ATP8A1: variants seen among roughly 807,000 people sequenced by gnomAD.
The protein encoded by ATP8A1 is ATPase phospholipid transporting 8A1.
Under a neutral mutation model 177.7 loss-of-function variants are expected in ATP8A1, and 90 were observed. That is an observed-to-expected ratio of 0.51 (90% CI 0.43 to 0.60). The LOEUF (loss-of-function observed/expected upper bound fraction) is 0.60, where lower values mean the gene tolerates loss of function less well. Among genes scored for constraint, ATP8A1 ranks in the 20% least tolerant of loss-of-function variants. ATP8A1 has a pLI of 0.00. For synonymous variants in ATP8A1, 493 were observed against 485.9 expected (o/e 1.01, Z -0.19); for missense variants, 1,072 against 1,392.8 (o/e 0.77, Z 3.67).
chr4:42,613,398 A>G (rs1220610368), intron 5 of ATP8A1, among the ~76,000 whole-genome samples: 1 of 152,010 alleles, frequency 6.6e-6, no homozygotes, highest in African/African-American at 2.4e-5. Context: ...AAATCCATGG[A>G]TGCTCAAGTC....
At chr4:42,461,984 A>C (rs1719215017) in intron 27 of ATP8A1, among the ~76,000 whole-genome samples, 1 of 152,178 alleles carries the variant, frequency 6.6e-6, no homozygotes, top group Non-Finnish European at 1.5e-5. Flanking sequence ...AGATCTGTGG[A>C]ACTTTGAACT....
At chr4:42,543,249 C>G (rs2153206734) in intron 20 of ATP8A1, among the ~76,000 whole-genome samples, 1 of 152,144 alleles carries the variant, frequency 6.6e-6, no homozygotes, top group African/African-American at 2.4e-5. Flanking sequence ...GTTGTTGACT[C>G]TATTCAAAAT....
chr4:42,455,039 T>A (rs899565742), intron 29 of ATP8A1, among the ~76,000 whole-genome samples: 3 of 152,160 alleles, frequency 2.0e-5, no homozygotes, highest in East Asian at 3.9e-4. Context: ...AGGCCAGCTT[T>A]ATTGCTGCCT....
At chr4:42,492,163 TA>T (rs1470373817) in intron 24 of ATP8A1, among the ~76,000 whole-genome samples, 5 of 152,206 alleles carry the variant, frequency 3.3e-5, no homozygotes, top group African/African-American at 1.2e-4. Flanking sequence ...TATACTTATC[TA>T]AAGTATACTT....
At chr4:42,497,855 T>A (rs1406172365) in intron 24 of ATP8A1, among the ~76,000 whole-genome samples, 1 of 152,268 alleles carries the variant, frequency 6.6e-6, no homozygotes, top group Admixed American at 6.5e-5. Flanking sequence ...TGGCTTTCTT[T>A]ACTGAGAGCT....
chr4:42,548,270 C>T (rs1729126779), intron 19 of ATP8A1, among the ~76,000 whole-genome samples: 1 of 152,142 alleles, frequency 6.6e-6, no homozygotes, highest in Non-Finnish European at 1.5e-5. Flanking sequence ...GCTTCCTGAT[C>T]CCGACTCATC....
Position 42,410,747 on chromosome 4 carries a change from C to A in ATP8A1, c.*2169G>T, listed in dbSNP as rs966649413. On this transcript the variant is annotated 3_prime_UTR_variant, in exon 37 of 37. Coordinates refer to ENST00000381668, the MANE Select transcript of ATP8A1 (RefSeq NM_006095.2). ...TGTTTAAGAGCTCCACAGAAACAAT[C>A]CACGTTTCAAGATTAAAATAAAACT... The A allele has an allele frequency of 2.0e-5, 3 of 152,174 alleles. No individual in the cohort carries two copies. Among genetic ancestry groups the A allele is most frequent in the Non-Finnish European group, 4.4e-5 (3 of 68,016 alleles). The allele number at this position is 152,174 out of a possible 1,614,324, so 9.4% of individuals were successfully genotyped here. A position where few individuals can be genotyped will look rare whatever the true frequency, so the allele number is the denominator to read the frequency against.
intron 1 of ATP8A1, among the ~76,000 whole-genome samples, chr4:42,655,898 G>C (rs937700346): frequency 1.3e-5 from 2 of 152,226 alleles, no homozygotes; most frequent in Non-Finnish European, 2.9e-5. Context: ...ATGATGGCAA[G>C]ATAGATTTCT....
At chr4:42,462,961 T>C (rs1719335501) in intron 27 of ATP8A1, among the ~76,000 whole-genome samples, 1 of 152,216 alleles carries the variant, frequency 6.6e-6, no homozygotes, top group Admixed American at 6.5e-5. Flanking sequence ...TCCCTTTATT[T>C]TGGCCAGTTT....
At chr4:42,635,228 G>A (rs146441882) in intron 1 of ATP8A1, among the ~76,000 whole-genome samples, 3 of 152,124 alleles carry the variant, frequency 2.0e-5, no homozygotes, top group East Asian at 1.9e-4. Flanking sequence ...TGGTAGGTAG[G>A]AGGGAGACAA....
At chr4:42,569,364 C>T (rs1255422386) in intron 14 of ATP8A1, among the ~76,000 whole-genome samples, 159 bp from the exon 15 acceptor site, 4 of 152,104 alleles carry the variant, frequency 2.6e-5, no homozygotes, top group Non-Finnish European at 5.9e-5. Context: ...GTTAGTACAG[C>T]AAATAGAACA....
intron 1 of ATP8A1, among the ~76,000 whole-genome samples, chr4:42,639,960 A>G (rs747135336): frequency 1.3e-5 from 2 of 152,244 alleles, no homozygotes; most frequent in Non-Finnish European, 2.9e-5. Context: ...CATGGATTCA[A>G]CATAGTACTT....
chr4:42,588,137 G>C (rs1342159763), intron 8 of ATP8A1, 123 bp downstream of exon 8: 1 of 685,594 alleles, frequency 1.5e-6, no homozygotes, highest in African/African-American at 1.8e-5. Flanking sequence ...TCTTTGTTGT[G>C]GTTCCATGGG....
intron 1 of ATP8A1, among the ~76,000 whole-genome samples, chr4:42,636,154 A>ACGCGCGCGTGCGCGCG (rs765930469): frequency 0.17 from 8,034 of 47,552 alleles, 391 homozygotes; most frequent in African/African-American, 0.2. Flanking sequence ...ACACACACAC[A>ACGCGCGCGTGCGCGCG]CACGCACACA....
intron 24 of ATP8A1, among the ~76,000 whole-genome samples, chr4:42,499,298 G>A (rs1723584194): frequency 6.6e-6 from 1 of 152,154 alleles, no homozygotes; most frequent in Non-Finnish European, 1.5e-5. Context: ...AATGTATAGT[G>A]TATATTTTCC....
chr4:42,574,284 C>G (rs1157682826), intron 14 of ATP8A1, among the ~76,000 whole-genome samples: 1 of 152,156 alleles, frequency 6.6e-6, no homozygotes, highest in Non-Finnish European at 1.5e-5. Flanking sequence ...GCCTGATTAT[C>G]TGTCCTTACC....
At chr4:42,509,849 CAAAAAAAA>C (rs751055015) in intron 22 of ATP8A1, among the ~76,000 whole-genome samples, 1 of 78,982 alleles carries the variant, frequency 1.3e-5, no homozygotes, top group East Asian at 4.0e-4. Context: ...GAGACAGTCT[CAAAAAAAA>C]AAAAAAAAAA....
At chr4:42,640,014 AT>A (rs1311462776) in intron 1 of ATP8A1, among the ~76,000 whole-genome samples, 1 of 152,146 alleles carries the variant, frequency 6.6e-6, no homozygotes, top group Non-Finnish European at 1.5e-5. Flanking sequence ...ACTCTATGGA[AT>A]TTTTTCTGAA....
chr4:42,573,987 C>G (rs753072871), intron 14 of ATP8A1, among the ~76,000 whole-genome samples: 3 of 152,090 alleles, frequency 2.0e-5, no homozygotes, highest in African/African-American at 4.8e-5. Context: ...TCACATTACC[C>G]TATAAAATAT....
Sources: gnomAD v4.1 joint callset for allele counts (sites outside exome capture counted in the v4.1 genomes callset) on GRCh38, gnomAD v4.1.1 for gene constraint, MANE v1.5 for transcripts, NCBI Gene and HGNC (gene_info 2026-07-23, HGNC 2026-07-21) for gene names.